The following OPHN1 variants were observed in gnomAD, a reference collection of about 807,000 sequenced individuals.
OPHN1 encodes the protein oligophrenin-1.
Under a neutral mutation model 60.7 loss-of-function variants are expected in OPHN1, and 11 were observed. That is an observed-to-expected ratio of 0.18 (90% CI 0.11 to 0.30). OPHN1 has a LOEUF of 0.30. Among genes scored for constraint, OPHN1 ranks in the 10% least tolerant of loss-of-function variants. OPHN1 has a pLI of 1.00. For synonymous variants in OPHN1, 226 were observed against 222.6 expected (o/e 1.02, Z -0.14); for missense variants, 449 against 611.0 (o/e 0.73, Z 2.80).
At chrX:68,173,714 T>C (rs2077401230) in intron 15 of OPHN1, among the ~76,000 whole-genome samples, 1 of 110,606 alleles carries the variant, frequency 9.0e-6, no homozygotes, top group Non-Finnish European at 1.9e-5. Flanking sequence ...TGAACAAATA[T>C]GGTACATTAA....
chrX:68,367,671 C>T (rs183402930), intron 2 of OPHN1, among the ~76,000 whole-genome samples: 3 of 111,514 alleles, frequency 2.7e-5, no homozygotes, highest in East Asian at 2.8e-4. Context: ...TCTGTGCCCC[C>T]GCCCAAATCT....
chrX:68,052,293 A>G (rs2076855400), intron 23 of OPHN1, among the ~76,000 whole-genome samples: 1 of 109,297 alleles, frequency 9.1e-6, no homozygotes, highest in Non-Finnish European at 1.9e-5. Flanking sequence ...CCATCTCAAA[A>G]AAAAAAAAAA....
intron 19 of OPHN1, among the ~76,000 whole-genome samples, chrX:68,077,841 C>T (rs2076959068): frequency 9.0e-6 from 1 of 111,659 alleles, no homozygotes; most frequent in Non-Finnish European, 1.9e-5. Flanking sequence ...AAAACAAGGA[C>T]ACCCTCTAAA....
chrX:68,182,445 A>G (rs1025981052), intron 15 of OPHN1, among the ~76,000 whole-genome samples: 9 of 110,031 alleles, frequency 8.2e-5, no homozygotes, highest in African/African-American at 3.0e-4. Context: ...AGAAAGACTC[A>G]TAAGAAACAA....
chrX:68,175,462 A>C (rs1453191467), intron 15 of OPHN1, among the ~76,000 whole-genome samples: 1 of 111,509 alleles, frequency 9.0e-6, no homozygotes, highest in East Asian at 2.8e-4. Flanking sequence ...AAAAGGAAAA[A>C]AAAATCATTG....
intron 2 of OPHN1, among the ~76,000 whole-genome samples, chrX:68,389,722 G>A (rs2078644186): frequency 9.3e-6 from 1 of 108,108 alleles, no homozygotes; most frequent in African/African-American, 3.3e-5. Flanking sequence ...AAGCTGTAGA[G>A]TGTTGTGGTT....
chrX:68,315,055 A>AT (rs1327886717), intron 2 of OPHN1, among the ~76,000 whole-genome samples: 7 of 109,658 alleles, frequency 6.4e-5, no homozygotes, highest in African/African-American at 2.3e-4. Context: ...ACATCGTTTA[A>AT]TAAAAACAAA....
intron 15 of OPHN1, among the ~76,000 whole-genome samples, chrX:68,173,898 C>T (rs1268167010): frequency 9.0e-6 from 1 of 111,282 alleles, no homozygotes; most frequent in Non-Finnish European, 1.9e-5. Flanking sequence ...TATAAAAAAA[C>T]TAATCTATCC....
At chrX:68,334,100 G>A (rs1394880049) in intron 2 of OPHN1, among the ~76,000 whole-genome samples, 4 of 110,115 alleles carry the variant, frequency 3.6e-5, no homozygotes, top group Admixed American at 9.8e-5. Context: ...TTTTCGCCAT[G>A]TTGTCCAGGC....
intron 15 of OPHN1, among the ~76,000 whole-genome samples, chrX:68,166,409 C>T (rs761775305): frequency 9.0e-6 from 1 of 111,101 alleles, no homozygotes; most frequent in African/African-American, 3.3e-5. Flanking sequence ...TGGCGGGCGC[C>T]TGTAATCCCA....
At chrX:68,152,324 C>T (rs1207652997) in intron 15 of OPHN1, among the ~76,000 whole-genome samples, 1 of 111,226 alleles carries the variant, frequency 9.0e-6, no homozygotes, top group African/African-American at 3.3e-5. Flanking sequence ...TTACTAAAAC[C>T]TCTCCTCTTA....
At chrX:68,147,242 T>C (rs1455302571) in intron 15 of OPHN1, among the ~76,000 whole-genome samples, 1 of 111,408 alleles carries the variant, frequency 9.0e-6, no homozygotes, top group African/African-American at 3.3e-5. Flanking sequence ...GATCCCCAAG[T>C]TGGCAGGAAT....
chrX:68,265,997 A>C (rs1229333609), intron 5 of OPHN1, among the ~76,000 whole-genome samples: 2 of 111,678 alleles, frequency 1.8e-5, no homozygotes, highest in Non-Finnish European at 3.8e-5. Flanking sequence ...AAAAAGAAAC[A>C]AACAAAGCCT....
chrX:68,083,366 C>T (rs1334742428), intron 19 of OPHN1, among the ~76,000 whole-genome samples: 2 of 111,155 alleles, frequency 1.8e-5, no homozygotes, highest in Non-Finnish European at 3.8e-5. Context: ...GCCACCGCGC[C>T]CGGCCTCAAC....
intron 2 of OPHN1, among the ~76,000 whole-genome samples, chrX:68,412,563 G>A (rs972917650): frequency 2.7e-5 from 3 of 111,525 alleles, no homozygotes; most frequent in Non-Finnish European, 3.8e-5. Context: ...GATGGGTGGT[G>A]GTGATGGTTA....
chrX:68,160,699 G>C (rs1352331203), intron 15 of OPHN1, among the ~76,000 whole-genome samples: 1 of 111,011 alleles, frequency 9.0e-6, no homozygotes, highest in African/African-American at 3.3e-5. Context: ...ATATTACAAT[G>C]AAAATTAGAA....
intron 2 of OPHN1, among the ~76,000 whole-genome samples, chrX:68,389,227 G>A: frequency 9.2e-6 from 1 of 108,345 alleles, no homozygotes; most frequent in Admixed American, 9.8e-5. Context: ...AAAGTGCTTG[G>A]ATTACAGGCA....
rs33932284 is a variant in OPHN1 at position 68,234,091 on chromosome X, C to CAAAAAAAA, written c.486+388_486+395dup. Among the ~76,000 whole-genome samples the CAAAAAAAA allele has an allele frequency of 4.5e-5, 2 of 44,196 alleles. 1 individual carries two copies. The highest frequency in any genetic ancestry group is 7.5e-5 in the Non-Finnish European group (2 of 26,733). The allele number at this position is 44,196 out of a possible 115,157, so 38.4% of individuals were successfully genotyped here. ...ACAGAACATTCCCCTAACCCCTCAC[C>CAAAAAAAA]AAAAAAAAAAAAAAAAAAAAAGGTT... is the stretch of plus-strand genomic sequence containing the variant. On this transcript the variant is annotated intron_variant, in intron 6 of 24. Transcript: ENST00000355520.
At chrX:68,053,597 T>G (rs1361400699) in intron 22 of OPHN1, 48 bp downstream of exon 22, 1 of 1,164,937 alleles carries the variant, frequency 8.6e-7, no homozygotes, top group East Asian at 3.0e-5. Context: ...GCATTCCTAG[T>G]GGCCTAGTAC....
Sources: gnomAD v4.1 joint callset for allele counts (sites outside exome capture counted in the v4.1 genomes callset) on GRCh38, gnomAD v4.1.1 for gene constraint, MANE v1.5 for transcripts, NCBI Gene and HGNC (gene_info 2026-07-23, HGNC 2026-07-21) for gene names.